The following TTC27 variants were observed in gnomAD, a reference collection of about 807,000 sequenced individuals.
TTC27 encodes the protein tetratricopeptide repeat domain 27.
In TTC27, 79 loss-of-function variants were observed where a neutral mutation model predicts 115.9. That is an observed-to-expected ratio of 0.68 (90% CI 0.57 to 0.82). TTC27 has a LOEUF of 0.82. Ranked by LOEUF, TTC27 falls within the 40% of genes least tolerant of loss-of-function variation. The pLI is 0.00. For missense variants in TTC27, 1,054 were observed against 993.1 expected, an observed-to-expected ratio of 1.06 and a Z score of -0.82; for synonymous variants, 401 against 356.0, an observed-to-expected ratio of 1.13 and a Z score of -1.42.
intron 9 of TTC27, among the ~76,000 whole-genome samples, chr2:32,699,876 C>G (rs1167867890): frequency 6.6e-6 from 1 of 152,182 alleles, no homozygotes; most frequent in African/African-American, 2.4e-5. Flanking sequence ...AAATCTTAGG[C>G]AAGCCTCTTG....
At chr2:32,785,524 A>G (rs1476628967) in intron 15 of TTC27, among the ~76,000 whole-genome samples, 1 of 151,932 alleles carries the variant, frequency 6.6e-6, no homozygotes, top group Admixed American at 6.6e-5. Flanking sequence ...ACTCCTTACT[A>G]TTATCTTCCA....
In TTC27 at chr2:32,765,145, CA is replaced by C. The variant is rs562806587; in HGVS notation, c.1680+6627del. ...TTCAATTTGCTTTGCCCAGATCCAT[CA>C]GAGGAATCACTATGTATGGTGGCTA... is the stretch of plus-strand genomic sequence containing the variant. On this transcript the variant is annotated intron_variant, in intron 13 of 19. Transcript: ENST00000317907. Among the ~76,000 whole-genome samples, 922 of 152,292 alleles carry C rather than the reference CA, an allele frequency of 6.1e-3. 7 individuals are homozygous for C. Among genetic ancestry groups the C allele is most frequent in the Non-Finnish European group, 9.6e-3 (653 of 68,022 alleles).
At chr2:32,750,760 A>G (rs982095933) in intron 12 of TTC27, among the ~76,000 whole-genome samples, 2 of 152,374 alleles carry the variant, frequency 1.3e-5, no homozygotes, top group East Asian at 3.9e-4. Context: ...TGATTTGTTT[A>G]ATAGATGAAT....
At chr2:32,754,946 C>T (rs576199829) in intron 12 of TTC27, among the ~76,000 whole-genome samples, 298 of 151,012 alleles carry the variant, frequency 2.0e-3, no homozygotes, top group African/African-American at 6.0e-3. Context: ...CCAGACGGGG[C>T]GGCTGCTGGG....
At chr2:32,669,608 G>A (rs1665931908) in intron 7 of TTC27, among the ~76,000 whole-genome samples, 1 of 152,072 alleles carries the variant, frequency 6.6e-6, no homozygotes, top group Non-Finnish European at 1.5e-5. Flanking sequence ...AACATGGCCC[G>A]GTGTGGTGGC....
chr2:32,693,171 C>G (rs1447768567), intron 9 of TTC27, among the ~76,000 whole-genome samples: 3 of 151,930 alleles, frequency 2.0e-5, no homozygotes, highest in African/African-American at 7.2e-5. Context: ...GTTGTTTTTT[C>G]GTGAAGCTAA....
intron 8 of TTC27, among the ~76,000 whole-genome samples, chr2:32,676,893 C>A (rs967642468): frequency 6.7e-5 from 10 of 149,642 alleles, no homozygotes; most frequent in Non-Finnish European, 1.3e-4. Context: ...ATATATATAT[C>A]CACTTATATA....
At chr2:32,710,166 C>A (rs570079243) in intron 10 of TTC27, among the ~76,000 whole-genome samples, 2 of 152,104 alleles carry the variant, frequency 1.3e-5, no homozygotes, top group South Asian at 4.1e-4. Context: ...TAGGCATGCA[C>A]CACCGACTTA....
At chr2:32,744,907 G>T (rs947507972) in intron 12 of TTC27, among the ~76,000 whole-genome samples, 2 of 151,832 alleles carry the variant, frequency 1.3e-5, no homozygotes, top group African/African-American at 4.8e-5. Flanking sequence ...ACTTAGCTGG[G>T]CATGGTGATG....
rs566853456 is a variant in TTC27, at chr2:32,790,110, A to AT, written c.1998+2967dup. Among the ~76,000 whole-genome samples the AT allele has an allele frequency of 4.6e-3, 694 of 151,834 alleles. 4 individuals are homozygous for AT. Among genetic ancestry groups the AT allele is most frequent in the South Asian group, 8.5e-3 (41 of 4,818 alleles). On this transcript the variant is annotated intron_variant, in intron 16 of 19. Coordinates refer to ENST00000317907, the MANE Select transcript of TTC27 (RefSeq NM_017735.5). ...GTGATTTAACTTTTATCTTAAGTAG[A>AT]TTTTTTCAAACATATTTTAGTGGTC...
chr2:32,763,353 A>T (rs1464740128), intron 13 of TTC27, among the ~76,000 whole-genome samples: 3 of 152,200 alleles, frequency 2.0e-5, no homozygotes, highest in Non-Finnish European at 4.4e-5. Context: ...ATAAAGGGAA[A>T]ATAGAAACAT....
chr2:32,793,016 A>T (rs992048220), intron 16 of TTC27, among the ~76,000 whole-genome samples: 8 of 152,148 alleles, frequency 5.3e-5, no homozygotes, highest in Non-Finnish European at 1.0e-4. Flanking sequence ...TGGGACAGAG[A>T]ATGAAACATA....
At chr2:32,634,138 T>A (rs992825684) in intron 3 of TTC27, 133 bp downstream of exon 3, 28 of 1,045,750 alleles carry the variant, frequency 2.7e-5, no homozygotes, top group Non-Finnish European at 3.6e-5. Context: ...CTAAGAATGC[T>A]TGTTCATTGA....
chr2:32,638,465 G>A (rs981738583), intron 3 of TTC27, among the ~76,000 whole-genome samples: 10 of 151,992 alleles, frequency 6.6e-5, no homozygotes, highest in African/African-American at 1.9e-4. Context: ...TGTAACCTCC[G>A]CCTCCCAGGT....
chr2:32,679,993 A>T (rs1001469707), intron 9 of TTC27, among the ~76,000 whole-genome samples: 1 of 152,168 alleles, frequency 6.6e-6, no homozygotes, highest in Non-Finnish European at 1.5e-5. Context: ...CAAACACAAA[A>T]CAAAACAAAA....
chr2:32,750,839 C>G (rs116183217), intron 12 of TTC27, among the ~76,000 whole-genome samples: 1,649 of 152,144 alleles, frequency 0.011, 29 homozygotes, highest in African/African-American at 0.037. Context: ...GTATTAATAC[C>G]AGCTATATGA....
At chr2:32,714,160 C>G (rs1280417037) in intron 10 of TTC27, among the ~76,000 whole-genome samples, 4 of 149,352 alleles carry the variant, frequency 2.7e-5, no homozygotes, top group Non-Finnish European at 4.5e-5. Context: ...CCCGCCCCCC[C>G]GCCTTTTTTT....
At chr2:32,688,435 A>G (rs1666708435) in intron 9 of TTC27, among the ~76,000 whole-genome samples, 1 of 152,130 alleles carries the variant, frequency 6.6e-6, no homozygotes, top group South Asian at 2.1e-4. Context: ...GGACTTTATT[A>G]ACATTAAAAC....
intron 5 of TTC27, among the ~76,000 whole-genome samples, chr2:32,656,961 C>A (rs1665345648): frequency 6.6e-6 from 1 of 151,510 alleles, no homozygotes; most frequent in African/African-American, 2.4e-5. Context: ...GGACTTAAAC[C>A]TTGCAGTAAG....
Sources: gnomAD v4.1 joint callset for allele counts (sites outside exome capture counted in the v4.1 genomes callset) on GRCh38, gnomAD v4.1.1 for gene constraint, MANE v1.5 for transcripts, NCBI Gene and HGNC (gene_info 2026-07-23, HGNC 2026-07-21) for gene names.